SLC2A13: variants seen among roughly 807,000 people sequenced by gnomAD.
SLC2A13 encodes solute carrier family 2 member 13, also known as proton myo-inositol cotransporter.
A neutral mutation model predicts 64.4 loss-of-function variants in SLC2A13; 32 were observed. The observed-to-expected ratio is 0.50, with a 90% confidence interval of 0.37 to 0.67. SLC2A13 has a LOEUF of 0.67. Ranked by LOEUF, SLC2A13 falls within the 30% of genes least tolerant of loss-of-function variation. The pLI is 0.00. For synonymous variants in SLC2A13, 338 were observed against 327.1 expected, an observed-to-expected ratio of 1.03 and a Z score of -0.36; for missense variants, 743 against 829.2, an observed-to-expected ratio of 0.90 and a Z score of 1.28.
intron 4 of SLC2A13, among the ~76,000 whole-genome samples, chr12:39,933,570 T>C (rs1945866592): frequency 6.6e-6 from 1 of 152,184 alleles, no homozygotes; most frequent in Admixed American, 6.5e-5. Flanking sequence ...ATAAGGTACA[T>C]ACTACTTAAC....
chr12:40,045,278 T>C (rs917567344), intron 2 of SLC2A13, among the ~76,000 whole-genome samples: 8 of 152,066 alleles, frequency 5.3e-5, no homozygotes, highest in Non-Finnish European at 4.4e-5. Context: ...TGTGAAGATA[T>C]ATAAAAATAT....
chr12:39,955,864 C>T (rs1364506828), intron 3 of SLC2A13, among the ~76,000 whole-genome samples: 2 of 152,130 alleles, frequency 1.3e-5, no homozygotes, highest in Non-Finnish European at 2.9e-5. Context: ...AGAGGTTGTC[C>T]TCTACGGACT....
At chr12:39,817,103 G>A (rs1280017452) in intron 7 of SLC2A13, among the ~76,000 whole-genome samples, 1 of 152,116 alleles carries the variant, frequency 6.6e-6, no homozygotes, top group African/African-American at 2.4e-5. Context: ...AAAACACAGA[G>A]AACATCTCAT....
intron 1 of SLC2A13, among the ~76,000 whole-genome samples, chr12:40,066,881 C>CT (rs915686903): frequency 1.3e-5 from 2 of 152,186 alleles, no homozygotes; most frequent in Admixed American, 6.5e-5. Flanking sequence ...TGACAAAAAG[C>CT]TTTTTTTCTC....
intron 3 of SLC2A13, among the ~76,000 whole-genome samples, chr12:39,982,976 A>G (rs1462232652): frequency 3.5e-5 from 5 of 142,962 alleles, no homozygotes; most frequent in Admixed American, 2.8e-4. Flanking sequence ...GTACCAAAAC[A>G]GAGATATAGA....
At chr12:39,969,871 G>A (rs1946610011) in intron 3 of SLC2A13, among the ~76,000 whole-genome samples, 2 of 152,016 alleles carry the variant, frequency 1.3e-5, no homozygotes, top group Non-Finnish European at 2.9e-5. Context: ...TGAAGTCCTT[G>A]CCCATGCCTA....
chr12:39,924,240 C>A (rs1232528514), intron 4 of SLC2A13, among the ~76,000 whole-genome samples: 2 of 151,814 alleles, frequency 1.3e-5, no homozygotes, highest in Non-Finnish European at 2.9e-5. Flanking sequence ...AAAATGAATA[C>A]CTTTACTAAA....
At chr12:39,931,975 T>A (rs1202661608) in intron 4 of SLC2A13, among the ~76,000 whole-genome samples, 1 of 152,140 alleles carries the variant, frequency 6.6e-6, no homozygotes, top group African/African-American at 2.4e-5. Context: ...GTTACTCTTG[T>A]AGCTGTTCTT....
intron 3 of SLC2A13, among the ~76,000 whole-genome samples, chr12:40,003,435 G>A (rs1824495277): frequency 1.3e-5 from 2 of 152,150 alleles, no homozygotes; most frequent in Admixed American, 6.5e-5. Flanking sequence ...GGCGCTGATG[G>A]CAATAACAAA....
chr12:39,910,038 T>A (rs1051720116), intron 4 of SLC2A13, among the ~76,000 whole-genome samples: 1 of 152,052 alleles, frequency 6.6e-6, no homozygotes, highest in Non-Finnish European at 1.5e-5. Flanking sequence ...GAAGGGTCCT[T>A]AGATACATTA....
chr12:39,988,398 T>C (rs1947066223), intron 3 of SLC2A13, among the ~76,000 whole-genome samples: 1 of 151,890 alleles, frequency 6.6e-6, no homozygotes, highest in African/African-American at 2.4e-5. Flanking sequence ...AAAGATCTTT[T>C]CATATATCTA....
intron 4 of SLC2A13, among the ~76,000 whole-genome samples, chr12:39,896,038 T>G (rs1415240968): frequency 6.8e-6 from 1 of 147,206 alleles, no homozygotes; most frequent in African/African-American, 2.5e-5. Flanking sequence ...ATGCATATGT[T>G]TATATACGCA....
rs535055595 is a variant in SLC2A13, at chr12:40,009,077, T to C, written c.925+19224A>G. ...TAACTTAATAATACATGCATTATGA[T>C]ACTATTACCATAAAAATTCTCTAGG... On this transcript the variant is annotated intron_variant, in intron 3 of 9. Transcript: ENST00000280871. Among the ~76,000 whole-genome samples, 3 of 152,328 alleles carry C rather than the reference T, an allele frequency of 2.0e-5. No homozygotes were observed. The South Asian group carries it at 6.2e-4, about 32-fold the overall frequency.
intron 7 of SLC2A13, among the ~76,000 whole-genome samples, chr12:39,782,398 G>A (rs1330289775): frequency 6.6e-6 from 1 of 152,134 alleles, no homozygotes; most frequent in Non-Finnish European, 1.5e-5. Flanking sequence ...CACGAAATCT[G>A]ATGGGTTTGT....
intron 3 of SLC2A13, 80 bp downstream of exon 3, chr12:40,028,221 A>G (rs1947850748): frequency 1.2e-6 from 1 of 861,298 alleles, no homozygotes; most frequent in East Asian, 2.7e-5. Flanking sequence ...AAAATATATT[A>G]TACACACACG....
At chr12:40,076,586 G>T (rs1328678796) in intron 1 of SLC2A13, among the ~76,000 whole-genome samples, 1 of 152,068 alleles carries the variant, frequency 6.6e-6, no homozygotes, top group East Asian at 1.9e-4. Context: ...CCATGTCTTT[G>T]CTGTGTGAAC....
At chr12:39,788,858 T>G (rs768668352) in intron 7 of SLC2A13, among the ~76,000 whole-genome samples, 6 of 152,174 alleles carry the variant, frequency 3.9e-5, no homozygotes, top group Non-Finnish European at 7.4e-5. Flanking sequence ...CTTCAACTAC[T>G]CATCTACATG....
intron 4 of SLC2A13, among the ~76,000 whole-genome samples, chr12:39,899,716 T>A (rs1945032673): frequency 6.6e-6 from 1 of 152,178 alleles, no homozygotes; most frequent in Admixed American, 6.6e-5. Flanking sequence ...ACATCTTTAT[T>A]TCTGCCTTCA....
chr12:39,855,698 C>T (rs752193322), intron 6 of SLC2A13, among the ~76,000 whole-genome samples: 18 of 152,134 alleles, frequency 1.2e-4, no homozygotes, highest in Non-Finnish European at 1.0e-4. Context: ...GTACTATATT[C>T]TTCGATTTCC....
Sources: gnomAD v4.1 joint callset for allele counts (sites outside exome capture counted in the v4.1 genomes callset) on GRCh38, gnomAD v4.1.1 for gene constraint, MANE v1.5 for transcripts, NCBI Gene and HGNC (gene_info 2026-07-23, HGNC 2026-07-21) for gene names.